EGFR: variants seen among roughly 807,000 people sequenced by gnomAD.
The protein encoded by EGFR is avian erythroblastic leukemia viral (v-erb-b) oncogene homolog.
EGFR carries 58 observed loss-of-function variants against 143.0 expected under a neutral mutation model. That is an observed-to-expected ratio of 0.41 (90% CI 0.33 to 0.50). EGFR has a LOEUF of 0.50. Ranked by LOEUF, EGFR falls within the 20% of genes least tolerant of loss-of-function variation. The probability of loss-of-function intolerance (pLI) is 0.39; values close to 1 mark genes in which losing one functional copy is unlikely to be tolerated. For missense variants in EGFR, 1,307 were observed against 1,579.0 expected, an observed-to-expected ratio of 0.83 and a Z score of 2.92; for synonymous variants, 613 against 594.4, an observed-to-expected ratio of 1.03 and a Z score of -0.45.
intron 1 of EGFR, among the ~76,000 whole-genome samples, chr7:55,079,456 T>A (rs942149885): frequency 6.6e-6 from 1 of 152,234 alleles, no homozygotes; most frequent in Non-Finnish European, 1.5e-5. Context: ...ACTTTGTTTC[T>A]CCCAAATACG....
chr7:55,138,857 CT>C (rs1449261565), intron 1 of EGFR, among the ~76,000 whole-genome samples: 1 of 152,204 alleles, frequency 6.6e-6, no homozygotes, highest in African/African-American at 2.4e-5. Context: ...GCATTGGCAT[CT>C]GCTTGGCAGC....
At chr7:55,159,254 G>T (rs1785579453) in intron 11 of EGFR, among the ~76,000 whole-genome samples, 1 of 151,986 alleles carries the variant, frequency 6.6e-6, no homozygotes, top group Non-Finnish European at 1.5e-5. Flanking sequence ...CAGGGGCTTA[G>T]TGGTTCTTAT....
chr7:55,177,156 G>A (rs981078992), intron 19 of EGFR, among the ~76,000 whole-genome samples: 1 of 152,022 alleles, frequency 6.6e-6, no homozygotes, highest in Admixed American at 6.6e-5. Context: ...AGCCTGGAGT[G>A]TTCCCTGAAG....
intron 20 of EGFR, among the ~76,000 whole-genome samples, chr7:55,183,533 G>A (rs886723080): frequency 6.6e-6 from 1 of 152,188 alleles, no homozygotes; most frequent in Non-Finnish European, 1.5e-5. Flanking sequence ...GCAACCCACT[G>A]TCTTGGGGAG....
At chr7:55,092,783 G>C (rs1385513067) in intron 1 of EGFR, among the ~76,000 whole-genome samples, 1 of 152,240 alleles carries the variant, frequency 6.6e-6, no homozygotes, top group East Asian at 1.9e-4. Context: ...AGCCGCTCCT[G>C]GCAGGGCCAG....
At chr7:55,028,975 T>C (rs975164304) in intron 1 of EGFR, among the ~76,000 whole-genome samples, 1 of 151,870 alleles carries the variant, frequency 6.6e-6, no homozygotes, top group African/African-American at 2.4e-5. Context: ...CTGACCAACA[T>C]GGTGAAACCC....
chr7:55,034,935 C>T (rs763837423), intron 1 of EGFR, among the ~76,000 whole-genome samples: 9 of 152,154 alleles, frequency 5.9e-5, no homozygotes, highest in Non-Finnish European at 1.0e-4. Context: ...ATTTGATTTG[C>T]AAGTGGGATG....
chr7:55,055,889 T>C (rs866848750), intron 1 of EGFR, among the ~76,000 whole-genome samples: 1 of 152,134 alleles, frequency 6.6e-6, no homozygotes, highest in Admixed American at 6.5e-5. Context: ...CCACTTGCCA[T>C]GTTCACCACA....
At chr7:55,191,151 G>A (rs17337303) in intron 20 of EGFR, among the ~76,000 whole-genome samples, 4,727 of 152,122 alleles carry the variant, frequency 0.031, 230 homozygotes, top group African/African-American at 0.11. Flanking sequence ...AGGTGGGGAG[G>A]GTGGTGTCTT....
intron 1 of EGFR, among the ~76,000 whole-genome samples, chr7:55,039,935 G>A (rs1372529309): frequency 6.6e-6 from 1 of 152,192 alleles, no homozygotes; most frequent in African/African-American, 2.4e-5. Flanking sequence ...CACTGAAGCA[G>A]TATAGCTCTC....
intron 20 of EGFR, among the ~76,000 whole-genome samples, chr7:55,191,014 G>T (rs1238428476): frequency 6.6e-6 from 1 of 152,156 alleles, no homozygotes; most frequent in Non-Finnish European, 1.5e-5. Flanking sequence ...GGATCAGCCA[G>T]GGTCAGGGTA....
chr7:55,109,323 G>A (rs1377851477), intron 1 of EGFR, among the ~76,000 whole-genome samples: 2 of 152,200 alleles, frequency 1.3e-5, no homozygotes, highest in African/African-American at 2.4e-5. Flanking sequence ...GTTAAACTGA[G>A]ATGCTTTTAT....
At chr7:55,023,178 G>A (rs1786672481) in intron 1 of EGFR, among the ~76,000 whole-genome samples, 1 of 152,178 alleles carries the variant, frequency 6.6e-6, no homozygotes, top group South Asian at 2.1e-4. Context: ...CTTGCCATGT[G>A]ACTTGTGTGT....
intron 1 of EGFR, among the ~76,000 whole-genome samples, chr7:55,140,946 T>C (rs1794422272): frequency 6.6e-6 from 1 of 152,204 alleles, no homozygotes; most frequent in African/African-American, 2.4e-5. Context: ...CCATGGCTCA[T>C]TGAGAGGGCA....
intron 1 of EGFR, among the ~76,000 whole-genome samples, chr7:55,091,014 G>A (rs958916461): frequency 2.0e-5 from 3 of 152,230 alleles, no homozygotes; most frequent in African/African-American, 4.8e-5. Context: ...GTCAGGCACT[G>A]TGTTTAGCAC....
At chr7:55,073,114 A>T (rs945602388) in intron 1 of EGFR, among the ~76,000 whole-genome samples, 1 of 151,928 alleles carries the variant, frequency 6.6e-6, no homozygotes, top group Non-Finnish European at 1.5e-5. Flanking sequence ...CTAACTTCTC[A>T]CTCATTGTTT....
chr7:55,094,651 A>G (rs1449529207), intron 1 of EGFR, among the ~76,000 whole-genome samples: 2 of 152,248 alleles, frequency 1.3e-5, no homozygotes, highest in African/African-American at 4.8e-5. Context: ...CCTTTCACAT[A>G]TGCTGGATAC....
In EGFR at chr7:55,209,925, C is replaced by T. The variant is rs755575266; in HGVS notation, c.*4308C>T. On this transcript the variant is annotated 3_prime_UTR_variant, in exon 28 of 28. Transcript: ENST00000275493. Reference sequence around the variant, plus strand: ...GGGTTAAGTTGAGGCAAGAGGAAAGCCCTTTCTCTCTCTTATAAAAAGGCA... The same window carrying T: ...GGGTTAAGTTGAGGCAAGAGGAAAGTCCTTTCTCTCTCTTATAAAAAGGCA... 10 of 152,202 alleles carry T rather than the reference C, an allele frequency of 6.6e-5. No individual in the cohort carries two copies. The highest frequency in any genetic ancestry group is 9.6e-5 in the African/African-American group (4 of 41,456). 9.4% of individuals were successfully genotyped at this position (152,202 alleles called of 1,614,324 possible).
chr7:55,134,556 A>G (rs1010644122), intron 1 of EGFR, among the ~76,000 whole-genome samples: 1 of 152,258 alleles, frequency 6.6e-6, no homozygotes. Context: ...TAGGGACTCA[A>G]AATGAAACTA....
Sources: allele counts gnomAD v4.1 joint callset (sites outside exome capture counted in the v4.1 genomes callset), GRCh38; gene constraint gnomAD v4.1.1; transcripts MANE v1.5; gene names NCBI Gene and HGNC (gene_info 2026-07-23, HGNC 2026-07-21).